Variants in KCNJ12 observed in about 807,000 individuals in gnomAD.
KCNJ12 encodes potassium inwardly rectifying channel subfamily J member 12.
Under a neutral mutation model 22.3 loss-of-function variants are expected in KCNJ12, and 2 were observed. That is an observed-to-expected ratio of 0.09 (90% CI 0.04 to 0.28). The LOEUF (loss-of-function observed/expected upper bound fraction) is 0.28. KCNJ12 is among the 10% of genes least tolerant of loss of function. KCNJ12 has a pLI of 1.00. For synonymous variants in KCNJ12, 117 were observed against 261.4 expected, an observed-to-expected ratio of 0.45 and a Z score of 5.33; for missense variants, 155 against 633.3, an observed-to-expected ratio of 0.24 and a Z score of 8.11.
At chr17:21,389,407 T>A (rs1427444930) in intron 1 of KCNJ12, among the ~76,000 whole-genome samples, 1 of 152,198 alleles carries the variant, frequency 6.6e-6, no homozygotes, top group East Asian at 1.9e-4. Context: ...AGAGGTGAAA[T>A]GGCCTCTCTC....
rs76797879 is a variant in KCNJ12 at position 21,391,002 on chromosome 17, G to A, written c.-179+14089G>A. 7.5e-3 allele frequency among the ~76,000 whole-genome samples: 1,142 copies of A among 152,246 alleles called. 14 individuals are homozygous for A. Among genetic ancestry groups the A allele is most frequent in the African/African-American group, 0.025 (1,021 of 41,540 alleles). On this transcript the variant is annotated intron_variant, in intron 1 of 2. Coordinates refer to ENST00000583088, the MANE Select transcript of KCNJ12 (RefSeq NM_021012.5). ...ACCATCCCCTGGCAGCCACTAAACC[G>A]CTTGCTGTAGCTGTGGATCTTCCTA...
rs1660743855 is a variant in KCNJ12 at position 21,382,908 on chromosome 17, G to A, written c.-179+5995G>A. Among the ~76,000 whole-genome samples the A allele has an allele frequency of 2.6e-5, 4 of 152,334 alleles. No individual in the cohort carries two copies. In the South Asian group the frequency reaches 8.3e-4, roughly 32 times the overall value. Reference sequence around the variant, plus strand: ...CTCCACCCCAAGGGTGTACAGGAGGGTGCGACGTGACACCTCCACTGTGGG... The same window carrying A: ...CTCCACCCCAAGGGTGTACAGGAGGATGCGACGTGACACCTCCACTGTGGG... On this transcript the variant is annotated intron_variant, in intron 1 of 2. Transcript: ENST00000583088.
intron 1 of KCNJ12, among the ~76,000 whole-genome samples, chr17:21,379,925 G>T (rs782228380): frequency 1.3e-5 from 2 of 152,174 alleles, no homozygotes; most frequent in Admixed American, 6.5e-5. Context: ...TGGCCTGCCA[G>T]TGCAGAGGGT....
chr17:21,379,847 C>T (rs2144757892), intron 1 of KCNJ12, among the ~76,000 whole-genome samples: 1 of 152,174 alleles, frequency 6.6e-6, no homozygotes, highest in East Asian at 1.9e-4. Context: ...GGGCTCGGGG[C>T]AGGACCAGAG....
chr17:21,410,386 G>A (rs1191340896), intron 2 of KCNJ12, among the ~76,000 whole-genome samples: 3 of 152,266 alleles, frequency 2.0e-5, no homozygotes, highest in Admixed American at 6.5e-5. Context: ...AAGATTCTGA[G>A]CTGCTCTGGA....
chr17:21,387,070 G>A (rs1458620835), intron 1 of KCNJ12, among the ~76,000 whole-genome samples: 1 of 152,128 alleles, frequency 6.6e-6, no homozygotes, highest in Non-Finnish European at 1.5e-5. Flanking sequence ...GCAGGAGAAT[G>A]GCGTGAACCC....
chr17:21,403,101 G>A (rs1286390783), intron 1 of KCNJ12, among the ~76,000 whole-genome samples: 8 of 152,304 alleles, frequency 5.3e-5, no homozygotes, highest in African/African-American at 1.9e-4. Context: ...GGGAAATCAT[G>A]GAAGACTTCA....
At chr17:21,413,632 C>T (rs1906506561) in intron 2 of KCNJ12, among the ~76,000 whole-genome samples, 1 of 152,234 alleles carries the variant, frequency 6.6e-6, no homozygotes. Context: ...TGGCTGTGGG[C>T]CAGGCGGTGC....
At chr17:21,392,657 C>T (rs898573303) in intron 1 of KCNJ12, among the ~76,000 whole-genome samples, 1 of 152,242 alleles carries the variant, frequency 6.6e-6, no homozygotes, top group Non-Finnish European at 1.5e-5. Context: ...CCCCATCCTC[C>T]TCGAGTGGGT....
intron 1 of KCNJ12, among the ~76,000 whole-genome samples, chr17:21,378,727 C>G (rs535224053): frequency 1.2e-4 from 19 of 152,144 alleles, no homozygotes; most frequent in African/African-American, 4.1e-4. Context: ...TTTTTCCCCT[C>G]CCAGGGGAGG....
At position 21,415,738 on chromosome 17, in the gene KCNJ12, G is replaced by A. The variant is rs782110956; in HGVS notation, c.396G>A (p.Ala132=). The change falls in exon 3 of 3, where the codon GCG becomes GCA. Residue 132 remains alanine, a synonymous_variant. Transcript: ENST00000583088. ...PCVMQVHGFM[A]AFLFSIETQT... ...TGATGCAGGTGCACGGCTTCATGGC[G>A]GCCTTCCTCTTCTCCATCGAGACGC... is the stretch of plus-strand genomic sequence containing the variant. 34 of 1,612,616 alleles carry A rather than the reference G, an allele frequency of 2.1e-5. No individual in the cohort carries two copies. Among genetic ancestry groups the A allele is most frequent in the East Asian group, 4.5e-5 (2 of 44,872 alleles).
At chr17:21,391,860 T>G (rs1555559349) in intron 1 of KCNJ12, among the ~76,000 whole-genome samples, 1 of 152,344 alleles carries the variant, frequency 6.6e-6, no homozygotes, top group East Asian at 1.9e-4. Flanking sequence ...GGACCTCCCC[T>G]GCCACCAGGC....
At chr17:21,397,379 G>C (rs993400227) in intron 1 of KCNJ12, among the ~76,000 whole-genome samples, 1 of 152,230 alleles carries the variant, frequency 6.6e-6, no homozygotes, top group African/African-American at 2.4e-5. Context: ...TCGCTGCCGT[G>C]TGGGGCTTCA....
intron 1 of KCNJ12, among the ~76,000 whole-genome samples, chr17:21,387,081 G>A (rs1020085137): frequency 1.3e-5 from 2 of 152,014 alleles, no homozygotes; most frequent in East Asian, 3.9e-4. Context: ...GCGTGAACCC[G>A]GGGGGCGGAG....
At chr17:21,383,108 T>C (rs1434727192) in intron 1 of KCNJ12, among the ~76,000 whole-genome samples, 10 of 151,808 alleles carry the variant, frequency 6.6e-5, no homozygotes, top group Admixed American at 5.9e-4. Context: ...GAGACTGAGA[T>C]GTGTATGATA....
chr17:21,403,481 C>T (rs1218858011), intron 1 of KCNJ12, among the ~76,000 whole-genome samples: 4 of 152,254 alleles, frequency 2.6e-5, no homozygotes, highest in Admixed American at 2.0e-4. Context: ...TCCTTGCTCT[C>T]CTGTGCACAT....
intron 1 of KCNJ12, among the ~76,000 whole-genome samples, chr17:21,398,793 G>C (rs1188907598): frequency 6.6e-6 from 1 of 152,260 alleles, no homozygotes; most frequent in Non-Finnish European, 1.5e-5. Context: ...GCAAAGATGC[G>C]TTTACAGAGC....
At chr17:21,383,025 CCT>C in intron 1 of KCNJ12, among the ~76,000 whole-genome samples, 1 of 152,022 alleles carries the variant, frequency 6.6e-6, no homozygotes, top group Non-Finnish European at 1.5e-5. Context: ...GGCCACAGAC[CCT>C]CTGTCCCTGA....
intron 1 of KCNJ12, among the ~76,000 whole-genome samples, chr17:21,393,580 G>A (rs1182771928): frequency 6.6e-6 from 1 of 152,200 alleles, no homozygotes; most frequent in Admixed American, 6.5e-5. Context: ...TGAGCTGCCA[G>A]CAGATGGTGG....
Sources: gnomAD v4.1 joint callset for allele counts (sites outside exome capture counted in the v4.1 genomes callset) on GRCh38, gnomAD v4.1.1 for gene constraint, MANE v1.5 for transcripts, NCBI Gene and HGNC (gene_info 2026-07-23, HGNC 2026-07-21) for gene names.